The following PCDH7 variants were observed in gnomAD, a reference collection of about 807,000 sequenced individuals.
PCDH7 encodes protocadherin-7.
A neutral mutation model predicts 58.9 loss-of-function variants in PCDH7; 17 were observed. That is an observed-to-expected ratio of 0.29 (90% CI 0.20 to 0.43). The LOEUF (loss-of-function observed/expected upper bound fraction) is 0.43, where lower values mean the gene tolerates loss of function less well. Ranked by LOEUF, PCDH7 falls within the 20% of genes least tolerant of loss-of-function variation. The pLI, the probability that PCDH7 is intolerant of heterozygous loss-of-function variation, is 1.00. For missense variants in PCDH7, 1,274 were observed against 1,441.0 expected (o/e 0.88, Z 1.88); for synonymous variants, 664 against 616.4 (o/e 1.08, Z -1.14).
chr4:30,870,977 T>G (rs943177247), intron 1 of PCDH7, among the ~76,000 whole-genome samples: 1 of 152,130 alleles, frequency 6.6e-6, no homozygotes, highest in Non-Finnish European at 1.5e-5. Flanking sequence ...GGATGTTCTC[T>G]TGTCATTTAT....
intron 3 of PCDH7, among the ~76,000 whole-genome samples, chr4:31,003,919 C>T (rs1752559331): frequency 6.6e-6 from 1 of 152,152 alleles, no homozygotes; most frequent in Non-Finnish European, 1.5e-5. Flanking sequence ...TTCATTTTAA[C>T]TAACACTAAA....
intron 3 of PCDH7, among the ~76,000 whole-genome samples, chr4:31,040,932 C>G (rs533807301): frequency 6.6e-6 from 1 of 151,888 alleles, no homozygotes; most frequent in South Asian, 2.1e-4. Context: ...AAATCCTGGA[C>G]CAGAAAAGCA....
At chr4:30,866,482 G>T (rs1053374860) in intron 1 of PCDH7, among the ~76,000 whole-genome samples, 10 of 151,982 alleles carry the variant, frequency 6.6e-5, no homozygotes, top group African/African-American at 2.4e-4. Context: ...TTCCTTATTT[G>T]ACTTAGATCT....
intron 1 of PCDH7, 122 bp downstream of exon 1, chr4:30,724,718 T>G: frequency 6.9e-7 from 1 of 1,451,232 alleles, no homozygotes; most frequent in Non-Finnish European, 9.1e-7. Context: ...ACAGTAGGAA[T>G]TTAATGTTAA....
chr4:30,722,352 G>A lies in PCDH7; in HGVS notation c.930G>A (p.Lys310=), dbSNP rs754588208. 11 of 1,612,252 alleles carry A rather than the reference G, an allele frequency of 6.8e-6. No homozygotes were observed. The highest frequency in any genetic ancestry group is 9.3e-6 in the Non-Finnish European group (11 of 1,179,794). ...ACGACAACAGCCCCCGCTTCGAGAA[G>A]AGCGTGTACGAGGCCGACTTGGCTG... is the stretch of plus-strand genomic sequence containing the variant. Residue 310 remains lysine, a synonymous_variant, in exon 1 of 2, where the codon AAG becomes AAA. Coordinates refer to ENST00000361762, the Ensembl canonical transcript of PCDH7. The surrounding 1 kb of genome is among the most constrained non-coding windows in gnomAD (Gnocchi z 7.6).
At chr4:30,776,515 C>T (rs1230072349) in intron 1 of PCDH7, among the ~76,000 whole-genome samples, 1 of 152,150 alleles carries the variant, frequency 6.6e-6, no homozygotes, top group Non-Finnish European at 1.5e-5. Context: ...ACAGTTTTGT[C>T]AAAGATTCCC....
rs1713801516 is a variant in PCDH7, at chr4:30,722,436, G to T, written c.1014G>T (p.Gly338=). ...TGCGCGCAGCCGACTTGGACGTGGG[G>T]GTCAACGGGCAGATCGAATACGTGT... The change falls in exon 1 of 2, where the codon GGG becomes GGT. Residue 338 remains glycine (G), a synonymous_variant. Transcript: ENST00000361762. This position sits in a 1 kb window ranked among gnomAD's most constrained non-coding sequence, Gnocchi z 7.6. 6.2e-7 allele frequency: 1 copy of T among 1,612,266 alleles called. No individual in the cohort carries two copies. The highest frequency in any genetic ancestry group is 8.5e-7 in the Non-Finnish European group (1 of 1,179,828).
chr4:30,767,679 C>T (rs932927909), intron 1 of PCDH7, among the ~76,000 whole-genome samples: 1 of 152,168 alleles, frequency 6.6e-6, no homozygotes, highest in African/African-American at 2.4e-5. Flanking sequence ...CTTAGTCTCC[C>T]AGAGGTACTG....
chr4:30,885,686 A>C (rs907059860), intron 1 of PCDH7, among the ~76,000 whole-genome samples: 1 of 152,172 alleles, frequency 6.6e-6, no homozygotes, highest in African/African-American at 2.4e-5. Flanking sequence ...CCAAAAGAAC[A>C]AAGCTGGAGG....
At chr4:30,946,727 T>TGTGTGTGTGTGTGTGTGA (rs1048658000) in intron 2 of PCDH7, among the ~76,000 whole-genome samples, 2 of 149,986 alleles carry the variant, frequency 1.3e-5, no homozygotes, top group African/African-American at 2.5e-5. Flanking sequence ...TGTGTGTGTG[T>TGTGTGTGTGTGTGTGTGA]GACAGAGTCC....
rs564750227 is a variant in PCDH7 at position 31,106,401 on chromosome 4, C to T, written c.*8-36072C>T. ...TTTTCTTCCTTTAGTTTCTGTGGTA[C>T]GCTAGTCACCAGGTAAGTGCTAACT... On this transcript the variant is annotated intron_variant, in intron 3 of 3. Coordinates refer to the PCDH7 transcript ENST00000509759. Among the ~76,000 whole-genome samples, 292 of 152,270 alleles carry T rather than the reference C, an allele frequency of 1.9e-3. 2 individuals are homozygous for T. Among genetic ancestry groups the T allele is most frequent in the African/African-American group, 6.4e-3 (264 of 41,540 alleles).
intron 3 of PCDH7, among the ~76,000 whole-genome samples, chr4:31,077,419 A>AAAAAAG (rs1759097297): frequency 6.8e-6 from 1 of 147,824 alleles, no homozygotes; most frequent in African/African-American, 2.6e-5. Flanking sequence ...CAAAAAAAAA[A>AAAAAAG]AAAAAGAAAA....
chr4:31,052,098 A>G (rs1756796244), intron 3 of PCDH7, among the ~76,000 whole-genome samples: 2 of 152,100 alleles, frequency 1.3e-5, no homozygotes, highest in African/African-American at 2.4e-5. Flanking sequence ...GTTACTATAT[A>G]TAATGTCCCT....
At chr4:31,080,918 T>A (rs563835394) in intron 3 of PCDH7, among the ~76,000 whole-genome samples, 1 of 152,344 alleles carries the variant, frequency 6.6e-6, no homozygotes, top group African/African-American at 2.4e-5. Context: ...GTGATGATTT[T>A]ATAAGGGGTT....
chr4:31,137,981 G>C (rs1277097662), intron 3 of PCDH7, among the ~76,000 whole-genome samples: 1 of 152,102 alleles, frequency 6.6e-6, no homozygotes, highest in African/African-American at 2.4e-5. Context: ...GCAAAACTCA[G>C]CATACTTAAA....
intron 1 of PCDH7, among the ~76,000 whole-genome samples, chr4:30,830,449 T>C (rs1459117762): frequency 6.6e-6 from 1 of 152,122 alleles, no homozygotes; most frequent in Non-Finnish European, 1.5e-5. Flanking sequence ...TTTTCTATTT[T>C]ATTATTTTAG....
intron 1 of PCDH7, among the ~76,000 whole-genome samples, chr4:30,805,714 G>A (rs1355218215): frequency 6.6e-6 from 1 of 152,094 alleles, no homozygotes; most frequent in Non-Finnish European, 1.5e-5. Context: ...TCTTTATGCT[G>A]TTCCAACCTA....
At chr4:30,926,826 A>G (rs560019766) in intron 2 of PCDH7, among the ~76,000 whole-genome samples, 5 of 152,222 alleles carry the variant, frequency 3.3e-5, no homozygotes, top group African/African-American at 9.6e-5. Flanking sequence ...AGTTGAATGC[A>G]TTATTTTTCA....
chr4:30,986,070 T>A (rs1176968513), intron 3 of PCDH7, among the ~76,000 whole-genome samples: 2 of 152,196 alleles, frequency 1.3e-5, no homozygotes, highest in Admixed American at 1.3e-4. Flanking sequence ...AGCAGGATAA[T>A]TTTTACCTGA....
Sources: gnomAD v4.1 joint callset for allele counts (sites outside exome capture counted in the v4.1 genomes callset) on GRCh38, gnomAD v4.1.1 for gene constraint, Gnocchi (gnomAD v3.1) non-coding constraint, MANE v1.5 for transcripts, NCBI Gene and HGNC (gene_info 2026-07-23, HGNC 2026-07-21) for gene names.